Variants in TRPC6 observed in about 807,000 individuals in gnomAD.
TRPC6 encodes the protein short transient receptor potential channel 6.
A neutral mutation model predicts 90.7 loss-of-function variants in TRPC6; 55 were observed. That is an observed-to-expected ratio of 0.61 (90% confidence interval 0.49 to 0.76). The LOEUF (loss-of-function observed/expected upper bound fraction) is 0.76. TRPC6 is among the 30% of genes least tolerant of loss of function. The pLI, the probability that TRPC6 is intolerant of heterozygous loss-of-function variation, is 0.00. For missense variants in TRPC6, 989 were observed against 1,122.7 expected (o/e 0.88, Z 1.70); for synonymous variants, 393 against 393.0 (o/e 1.00, Z 0.00).
chr11:101,473,738 T>C lies in TRPC6; in HGVS notation c.1780A>G (p.Ile594Val), dbSNP rs758348046. The C allele has an allele frequency of 1.2e-6, 2 of 1,613,688 alleles. No homozygotes were observed. The highest frequency in any genetic ancestry group is 2.2e-5 in the South Asian group (2 of 91,072). Residue 594 changes from isoleucine to valine, a missense_variant, in exon 7 of 13, where the codon ATA becomes GTA. This residue lies in a region of TRPC6 where 118 missense variants were observed against 197.6 expected (regional missense o/e 0.60). Coordinates refer to ENST00000344327, the MANE Select transcript of TRPC6 (RefSeq NM_004621.6). ...GCAATTGCATAAAGACCTTCAGATA[T>C]TATTTGAGGATCAGAGGGGTCCCAC... is the stretch of plus-strand genomic sequence containing the variant. ...IKWDPSDPQI[I>V]SEGLYAIAVV...
At chr11:101,556,313 A>G (rs532409437) in intron 1 of TRPC6, among the ~76,000 whole-genome samples, 2 of 147,178 alleles carry the variant, frequency 1.4e-5, no homozygotes, top group African/African-American at 5.1e-5. Flanking sequence ...ACAAACCTTT[A>G]GTTGGGCTCA....
chr11:101,492,002 G>A (rs1039074927), intron 2 of TRPC6, among the ~76,000 whole-genome samples: 2 of 151,496 alleles, frequency 1.3e-5, no homozygotes, highest in African/African-American at 4.9e-5. Context: ...CACCACGCCC[G>A]GCTAATTTTT....
At chr11:101,548,057 C>G (rs1420415937) in intron 1 of TRPC6, among the ~76,000 whole-genome samples, 2 of 151,832 alleles carry the variant, frequency 1.3e-5, no homozygotes, top group Non-Finnish European at 2.9e-5. Flanking sequence ...GTATGGAAGT[C>G]TTGCCATGTG....
intron 10 of TRPC6, among the ~76,000 whole-genome samples, chr11:101,456,905 T>C (rs143907199): frequency 5.2e-4 from 79 of 152,260 alleles, no homozygotes; most frequent in African/African-American, 1.9e-3. Flanking sequence ...TTCTAATACA[T>C]CATAGAAATT....
chr11:101,571,151 T>C (rs2136886971), intron 1 of TRPC6, among the ~76,000 whole-genome samples: 1 of 152,350 alleles, frequency 6.6e-6, no homozygotes, highest in Non-Finnish European at 1.5e-5. Context: ...CTCCTTAAGC[T>C]GATAAGCAAC....
rs537989762 is a variant in TRPC6, at chr11:101,526,756, C to T, written c.171-21958G>A. Among the ~76,000 whole-genome samples, 1,221 of 147,816 alleles carry T rather than the reference C, an allele frequency of 8.3e-3. 10 individuals are homozygous for T. The highest frequency in any genetic ancestry group is 0.023 in the South Asian group (106 of 4,626). On this transcript the variant is annotated intron_variant, in intron 1 of 12. Transcript: ENST00000344327. The stretch of plus-strand genomic sequence containing the variant: ...GCGGGTGCCTGTAATCCCAGCTACT[C>T]GGGAGGCTGAGGCAGGAGAATCTCG...
chr11:101,550,855 T>C (rs546904125), intron 1 of TRPC6, among the ~76,000 whole-genome samples: 147 of 151,912 alleles, frequency 9.7e-4, no homozygotes, highest in African/African-American at 3.4e-3. Context: ...TATATGTGCT[T>C]AACTATACAT....
At chr11:101,499,729 ATGTG>A (rs1350582229) in intron 2 of TRPC6, among the ~76,000 whole-genome samples, 1 of 40,208 alleles carries the variant, frequency 2.5e-5, no homozygotes, top group Admixed American at 3.1e-4. Context: ...TATTGTGTAT[ATGTG>A]TATATATATA....
At chr11:101,501,953 A>T (rs966776273) in intron 2 of TRPC6, among the ~76,000 whole-genome samples, 3 of 152,164 alleles carry the variant, frequency 2.0e-5, no homozygotes, top group Non-Finnish European at 4.4e-5. Context: ...TTTCAGTTAG[A>T]TTTATCCTTT....
intron 1 of TRPC6, among the ~76,000 whole-genome samples, chr11:101,576,120 T>C (rs1476650799): frequency 6.6e-6 from 1 of 152,200 alleles, no homozygotes; most frequent in Non-Finnish European, 1.5e-5. Flanking sequence ...TTACTGCACA[T>C]TGTTTAACAT....
At chr11:101,482,369 G>A (rs993037783) in intron 5 of TRPC6, among the ~76,000 whole-genome samples, 1 of 152,108 alleles carries the variant, frequency 6.6e-6, no homozygotes, top group African/African-American at 2.4e-5. Context: ...AAATAGTATA[G>A]CAACTAAGAT....
At chr11:101,511,457 G>A (rs1860391633) in intron 1 of TRPC6, among the ~76,000 whole-genome samples, 1 of 152,076 alleles carries the variant, frequency 6.6e-6, no homozygotes, top group Non-Finnish European at 1.5e-5. Context: ...ATAAAGTTTA[G>A]AGCTTGTTTG....
chr11:101,495,593 TTA>T (rs1170906859), intron 2 of TRPC6, among the ~76,000 whole-genome samples: 2 of 51,422 alleles, frequency 3.9e-5, no homozygotes, highest in Non-Finnish European at 7.8e-5. Context: ...TCAATGGTAA[TTA>T]TTATTATTAT....
chr11:101,493,213 C>T (rs1302504675), intron 2 of TRPC6, among the ~76,000 whole-genome samples: 1 of 152,164 alleles, frequency 6.6e-6, no homozygotes, highest in Non-Finnish European at 1.5e-5. Flanking sequence ...TTGTCTTGGG[C>T]CACACATAAA....
intron 3 of TRPC6, 100 bp from the exon 4 acceptor site, chr11:101,489,201 CATT>C: frequency 9.2e-7 from 1 of 1,082,662 alleles, no homozygotes; most frequent in Admixed American, 1.9e-5. Context: ...CAATGAAATA[CATT>C]GTTAGAATTA....
chr11:101,579,313 T>C, intron 1 of TRPC6, among the ~76,000 whole-genome samples: 1 of 152,226 alleles, frequency 6.6e-6, no homozygotes, highest in Admixed American at 6.5e-5. Context: ...ATTTATTCTT[T>C]TATATTGTCA....
intron 1 of TRPC6, among the ~76,000 whole-genome samples, chr11:101,543,432 G>A (rs1861222003): frequency 1.3e-5 from 2 of 152,028 alleles, no homozygotes; most frequent in Non-Finnish European, 2.9e-5. Context: ...TAAGCAAAAA[G>A]AACAAAGCTG....
intron 1 of TRPC6, among the ~76,000 whole-genome samples, chr11:101,555,715 C>A (rs185081019): frequency 6.6e-6 from 1 of 152,018 alleles, no homozygotes; most frequent in African/African-American, 2.4e-5. Context: ...GTGGACTGTA[C>A]CAGATTTCTA....
chr11:101,568,491 C>T (rs1042946928), intron 1 of TRPC6, among the ~76,000 whole-genome samples: 5 of 152,114 alleles, frequency 3.3e-5, no homozygotes, highest in African/African-American at 1.2e-4. Flanking sequence ...GGCCAACATT[C>T]AAATTCAGGA....
Sources: gnomAD v4.1 joint callset for allele counts (sites outside exome capture counted in the v4.1 genomes callset) on GRCh38, gnomAD v4.1.1 for gene constraint, gnomAD v4.1.1 regional missense constraint, MANE v1.5 for transcripts, NCBI Gene and HGNC (gene_info 2026-07-23, HGNC 2026-07-21) for gene names.